The following UGT1A5 variants were observed in gnomAD, a reference collection of about 807,000 sequenced individuals.
UGT1A5 encodes UDP-glucuronosyltransferase 1A5.
UGT1A5 carries 29 observed loss-of-function variants against 40.3 expected under a neutral mutation model. The ratio of observed to expected loss-of-function variants is 0.72; its 90% CI spans 0.54 to 0.98. The LOEUF (loss-of-function observed/expected upper bound fraction) is 0.98, where lower values mean the gene tolerates loss of function less well. UGT1A5 is among the 50% of genes least tolerant of loss of function. UGT1A5 has a pLI of 0.00. For missense variants in UGT1A5, 678 were observed against 677.9 expected (o/e 1.00, Z 0.00); for synonymous variants, 257 against 262.5 (o/e 0.98, Z 0.20).
chr2:233,757,065 T>C (rs1273460805), intron 1 of UGT1A5, among the ~76,000 whole-genome samples: 1 of 151,244 alleles, frequency 6.6e-6, no homozygotes, highest in Non-Finnish European at 1.5e-5. Flanking sequence ...CAGCAAGGGA[T>C]CCAGAATGGC....
At chr2:233,760,344 G>C (rs897355036) in intron 1 of UGT1A5, 1 of 1,614,032 alleles carries the variant, frequency 6.2e-7, no homozygotes. Context: ...TGCTGTGTGT[G>C]CTGGGCCCAG....
intron 1 of UGT1A5, among the ~76,000 whole-genome samples, chr2:233,737,949 C>A (rs965025739): frequency 6.6e-6 from 1 of 151,968 alleles, no homozygotes; most frequent in African/African-American, 2.4e-5. Context: ...GACTGTTTCC[C>A]AACATGAGGT....
intron 1 of UGT1A5, among the ~76,000 whole-genome samples, chr2:233,725,490 G>T (rs542689319): frequency 1.3e-5 from 2 of 151,958 alleles, no homozygotes; most frequent in Non-Finnish European, 2.9e-5. Context: ...CCAGCAAAAA[G>T]AAACCACTGA....
At chr2:233,770,741 G>A (rs1433852574) in intron 4 of UGT1A5, 1 of 151,846 alleles carries the variant, frequency 6.6e-6, no homozygotes, top group Non-Finnish European at 1.5e-5. Flanking sequence ...CATGATTCAT[G>A]GCCAAGTACT....
Position 233,713,865 on chromosome 2 carries a change from A to G in UGT1A5, c.867+7A>G, listed in dbSNP as rs752542051. On this transcript the variant is annotated splice_region_variant and intron_variant, in intron 1 of 4. Coordinates refer to ENST00000373414, the MANE Select transcript of UGT1A5 (RefSeq NM_019078.2). ...CGGGAAGCCACTATCTCAGGTCTGT[A>G]TTGGTGCCTTTATCCAATCAATGTT... 5.8e-5 allele frequency: 93 copies of G among 1,613,866 alleles called. No individual in the cohort carries two copies. In the African/African-American group the frequency reaches 1.1e-3, roughly 20 times the overall value.
Position 233,718,755 on chromosome 2 carries a change from C to T in UGT1A5, c.867+4897C>T, listed in dbSNP as rs372600165. 8.4e-5 allele frequency: 135 copies of T among 1,612,200 alleles called. 1 individual carries two copies. The highest frequency in any genetic ancestry group is 4.7e-4 in the African/African-American group (35 of 74,854). On this transcript the variant is annotated intron_variant, in intron 1 of 4. Coordinates refer to ENST00000373414, the MANE Select transcript of UGT1A5 (RefSeq NM_019078.2). ...TGGCTCAATGACAAGGTAATTAAGGCGAAGGAAACAAATGTAGCAGGCACA... is the reference window on the plus strand; with the variant it reads ...TGGCTCAATGACAAGGTAATTAAGGTGAAGGAAACAAATGTAGCAGGCACA...
At chr2:233,729,541 A>G (rs750509875) in intron 1 of UGT1A5, 1 of 1,614,224 alleles carries the variant, frequency 6.2e-7, no homozygotes, top group South Asian at 1.1e-5. Context: ...GGCCCTGATC[A>G]GGCACCTGAA....
intron 1 of UGT1A5, chr2:233,755,156 G>A: frequency 7.7e-7 from 1 of 1,294,130 alleles, no homozygotes; most frequent in Middle Eastern, 2.2e-4. Context: ...CTTCCTCCCT[G>A]TCCTCGGGGT....
intron 1 of UGT1A5, among the ~76,000 whole-genome samples, chr2:233,721,360 G>T (rs1478965669): frequency 6.6e-6 from 1 of 152,144 alleles, no homozygotes; most frequent in Non-Finnish European, 1.5e-5. Context: ...AGACTGAACT[G>T]CACTGGCTCA....
chr2:233,758,540 T>C (rs145954073), intron 1 of UGT1A5, among the ~76,000 whole-genome samples: 1 of 152,348 alleles, frequency 6.6e-6, no homozygotes, highest in Non-Finnish European at 1.5e-5. Flanking sequence ...GCTATGTCTA[T>C]TCTGCTTGCC....
At position 233,772,978 on chromosome 2, in the gene UGT1A5, T is replaced by C. The variant is rs34942353; in HGVS notation, c.*419T>C. On this transcript the variant is annotated 3_prime_UTR_variant, in exon 5 of 5. Coordinates refer to ENST00000373414, the MANE Select transcript of UGT1A5 (RefSeq NM_019078.2). ...GTTGCAATTGATCCTTAACCAATAATGGTCAGTCCTCATCTCTGTCGTGCT... is the reference window on the plus strand; with the variant it reads ...GTTGCAATTGATCCTTAACCAATAACGGTCAGTCCTCATCTCTGTCGTGCT... 9.7e-5 allele frequency: 29 copies of C among 299,424 alleles called. No homozygotes were observed. The East Asian group carries it at 2.0e-3, about 21-fold the overall frequency. 18.5% of individuals were successfully genotyped at this position (299,424 alleles called of 1,614,324 possible).
rs1297199305 is a variant in UGT1A5, at chr2:233,749,242, C to T, written c.868-17792C>T. 1.3e-5 allele frequency among the ~76,000 whole-genome samples: 2 copies of T among 151,678 alleles called. 1 individual carries two copies. Among genetic ancestry groups the T allele is most frequent in the Admixed American group, 1.3e-4 (2 of 15,250 alleles). ...TAAGCTTCATTTTTTAAAATCAAACCACATGATTTTTTTATTGGTGATTTT... is the reference window on the plus strand; with the variant it reads ...TAAGCTTCATTTTTTAAAATCAAACTACATGATTTTTTTATTGGTGATTTT... On this transcript the variant is annotated intron_variant, in intron 1 of 4. Transcript: ENST00000373414.
intron 1 of UGT1A5, among the ~76,000 whole-genome samples, chr2:233,752,728 G>C (rs546811491): frequency 1.3e-5 from 2 of 152,320 alleles, no homozygotes; most frequent in South Asian, 4.1e-4. Flanking sequence ...AACAGCTACA[G>C]AGAGAGACCC....
At chr2:233,755,468 T>G (rs1434722423) in intron 1 of UGT1A5, 4 of 241,190 alleles carry the variant, frequency 1.7e-5, no homozygotes, top group Non-Finnish European at 3.3e-5. Context: ...CTGCTCTCTG[T>G]GAGGCTCTGT....
chr2:233,760,685 A>G (rs575799001), intron 1 of UGT1A5: 11 of 1,614,182 alleles, frequency 6.8e-6, no homozygotes, highest in South Asian at 1.1e-5. Flanking sequence ...TTACTGCACA[A>G]CAAGGAGCTC....
At chr2:233,729,935 T>C (rs2077953750) in intron 1 of UGT1A5, 1 of 1,614,092 alleles carries the variant, frequency 6.2e-7, no homozygotes, top group African/African-American at 1.3e-5. Flanking sequence ...AGGCCAATCA[T>C]GCCCAACATG....
At chr2:233,718,783 G>A (rs372445273) in intron 1 of UGT1A5, 52 of 1,612,928 alleles carry the variant, frequency 3.2e-5, no homozygotes, top group African/African-American at 1.5e-4. Flanking sequence ...CAGGCACAGC[G>A]TGGGGTGGAC....
intron 1 of UGT1A5, among the ~76,000 whole-genome samples, chr2:233,716,097 C>T (rs1196579802): frequency 6.6e-6 from 1 of 152,176 alleles, no homozygotes; most frequent in Non-Finnish European, 1.5e-5. Flanking sequence ...ATTCCTTTAA[C>T]AGAAATTTAG....
intron 1 of UGT1A5, chr2:233,755,285 A>T (rs1468695441): frequency 1.5e-6 from 1 of 681,694 alleles, no homozygotes; most frequent in African/African-American, 1.9e-5. Flanking sequence ...ACTGCCAAAG[A>T]GCCTGCGGGG....
Sources: allele counts gnomAD v4.1 joint callset (sites outside exome capture counted in the v4.1 genomes callset), GRCh38; gene constraint gnomAD v4.1.1; transcripts MANE v1.5; gene names NCBI Gene and HGNC (gene_info 2026-07-23, HGNC 2026-07-21).